The following DNAH8 variants were observed in gnomAD, a reference collection of about 807,000 sequenced individuals.
DNAH8 encodes dynein axonemal heavy chain 8.
A neutral mutation model predicts 562.1 loss-of-function variants in DNAH8; 382 were observed. The observed-to-expected ratio is 0.68, with a 90% CI of 0.63 to 0.74. The LOEUF (loss-of-function observed/expected upper bound fraction) is 0.74, where lower values mean the gene tolerates loss of function less well. Ranked by LOEUF, DNAH8 falls within the 30% of genes least tolerant of loss-of-function variation. The pLI is 0.00. For synonymous variants in DNAH8, 1,881 were observed against 1,919.4 expected (o/e 0.98, Z 0.52); for missense variants, 5,203 against 5,620.4 (o/e 0.93, Z 2.37).
chr6:38,877,260 A>G (rs540866520), intron 53 of DNAH8, among the ~76,000 whole-genome samples: 1 of 152,218 alleles, frequency 6.6e-6, no homozygotes, highest in Non-Finnish European at 1.5e-5. Flanking sequence ...ATGGCATCTA[A>G]TAAGGAAGCC....
chr6:38,925,240 G>A (rs1280509144), intron 73 of DNAH8, among the ~76,000 whole-genome samples: 1 of 151,432 alleles, frequency 6.6e-6, no homozygotes, highest in African/African-American at 2.4e-5. Context: ...GGGGGTCCTG[G>A]GATAATTTAA....
intron 10 of DNAH8, among the ~76,000 whole-genome samples, chr6:38,759,675 C>G (rs1766301677): frequency 6.6e-6 from 1 of 152,044 alleles, no homozygotes; most frequent in Admixed American, 6.6e-5. Flanking sequence ...GCAAGAACCC[C>G]CCATTCTTGA....
intron 18 of DNAH8, 36 bp from the exon 19 acceptor site, chr6:38,789,767 A>T (rs1190374669): frequency 6.8e-7 from 1 of 1,461,132 alleles, no homozygotes; most frequent in South Asian, 1.2e-5. Flanking sequence ...CTTTAAAATG[A>T]ATTAAAATAA....
At chr6:38,870,728 G>A (rs938474526) in intron 49 of DNAH8, among the ~76,000 whole-genome samples, 166 bp downstream of exon 49, 6 of 152,178 alleles carry the variant, frequency 3.9e-5, no homozygotes, top group African/African-American at 1.4e-4. Context: ...GTGGTCCTAG[G>A]AAGATAGTAT....
At chr6:38,923,929 T>C in intron 72 of DNAH8, 62 bp from the exon 73 acceptor site, 1 of 1,571,052 alleles carries the variant, frequency 6.4e-7, no homozygotes, top group African/African-American at 1.4e-5. Flanking sequence ...AACTGTGACC[T>C]CTCAAACAAC....
At chr6:38,792,233 C>G (rs1433504090) in intron 21 of DNAH8, among the ~76,000 whole-genome samples, 1 of 151,960 alleles carries the variant, frequency 6.6e-6, no homozygotes, top group Non-Finnish European at 1.5e-5. Flanking sequence ...GATTACAGGC[C>G]TGTACCAGCA....
chr6:38,919,771 A>G (rs1396632760), intron 70 of DNAH8, among the ~76,000 whole-genome samples: 1 of 152,198 alleles, frequency 6.6e-6, no homozygotes, highest in African/African-American at 2.4e-5. Flanking sequence ...AATGATGAAA[A>G]TAAGCGAGTT....
chr6:38,948,594 C>T (rs1761624354), intron 80 of DNAH8, among the ~76,000 whole-genome samples: 1 of 152,208 alleles, frequency 6.6e-6, no homozygotes, highest in Admixed American at 6.5e-5. Flanking sequence ...CCGCCTCGGC[C>T]TCCCAAAGTG....
At chr6:38,757,033 C>A (rs9369080) in intron 10 of DNAH8, among the ~76,000 whole-genome samples, 12,691 of 152,108 alleles carry the variant, frequency 0.083, 1,064 homozygotes, top group East Asian at 0.44. Context: ...TGGGTATATA[C>A]CCAGTAATGG....
chr6:38,745,227 G>A (rs905948611), intron 8 of DNAH8, among the ~76,000 whole-genome samples: 5 of 152,218 alleles, frequency 3.3e-5, no homozygotes, highest in African/African-American at 7.2e-5. Flanking sequence ...GGGTCATGGG[G>A]GAACAAATGC....
At chr6:38,976,348 G>A (rs1341981317) in intron 85 of DNAH8, among the ~76,000 whole-genome samples, 1 of 152,172 alleles carries the variant, frequency 6.6e-6, no homozygotes, top group African/African-American at 2.4e-5. Flanking sequence ...AATACAGTGA[G>A]TGTAGGTAAT....
chr6:39,024,828 T>C (rs1289828895), intron 91 of DNAH8, among the ~76,000 whole-genome samples: 1 of 152,206 alleles, frequency 6.6e-6, no homozygotes, highest in African/African-American at 2.4e-5. Flanking sequence ...TCTCTCCTAC[T>C]AGGCACTCGG....
At chr6:38,966,147 A>T (rs1167551139) in intron 82 of DNAH8, among the ~76,000 whole-genome samples, 1 of 152,202 alleles carries the variant, frequency 6.6e-6, no homozygotes, top group Non-Finnish European at 1.5e-5. Context: ...GAAGATTACT[A>T]AAATCAGCAA....
chr6:38,896,874 C>A (rs910260492), intron 60 of DNAH8, among the ~76,000 whole-genome samples: 3 of 152,134 alleles, frequency 2.0e-5, no homozygotes, highest in African/African-American at 7.2e-5. Context: ...GCAACCTCCG[C>A]CTCCCAGTTC....
chr6:38,924,020 G>C lies in DNAH8; in HGVS notation c.10820G>C (p.Gly3607Ala). The change falls in exon 73 of 93, where the codon GGA becomes GCA. Residue 3607 changes from glycine to alanine, a missense_variant. Transcript: ENST00000327475. ...RLVGDILLCT[G>A]FLSYLGPFNQ... ...GTAGGTGATATTCTGCTGTGCACGG[G>C]ATTCCTTTCCTACCTTGGTCCTTTC... The C allele has an allele frequency of 6.2e-7, 1 of 1,613,966 alleles. No homozygotes were observed. The highest frequency in any genetic ancestry group is 8.5e-7 in the Non-Finnish European group (1 of 1,179,914).
rs1160474440 is a variant in DNAH8 at position 38,923,069 on chromosome 6, T to C, written c.10674T>C (p.Asn3558=). The C allele has an allele frequency of 8.7e-6, 14 of 1,612,894 alleles. No homozygotes were observed. Among genetic ancestry groups the C allele is most frequent in the Non-Finnish European group, 1.2e-5 (14 of 1,179,538 alleles). Residue 3558 remains asparagine (N), a synonymous_variant, in exon 72 of 93, where the codon AAT becomes AAC. Transcript: ENST00000327475. ...AAMNEKMDLL[N]DADTCRKKMQ... ...CATTATGGCTGCAGGATTTGCTTAA[T>C]GACGCTGATACGTGCCGGAAAAAGA...
At chr6:38,854,836 A>T (rs763195321) in intron 41 of DNAH8, among the ~76,000 whole-genome samples, 1 of 150,630 alleles carries the variant, frequency 6.6e-6, no homozygotes, top group Non-Finnish European at 1.5e-5. Context: ...GTGTGTATAT[A>T]TATATGAACA....
chr6:38,978,423 A>G (rs1050399196), intron 85 of DNAH8, among the ~76,000 whole-genome samples: 3 of 152,188 alleles, frequency 2.0e-5, no homozygotes, highest in African/African-American at 7.2e-5. Context: ...GTGCATATAA[A>G]GTTCTTGCTT....
chr6:38,856,746 G>A (rs1018237074), intron 41 of DNAH8, among the ~76,000 whole-genome samples: 1 of 152,086 alleles, frequency 6.6e-6, no homozygotes, highest in African/African-American at 2.4e-5. Context: ...TCACTGTTGA[G>A]CCCATGCCAA....
Sources: allele counts gnomAD v4.1 joint callset (sites outside exome capture counted in the v4.1 genomes callset), GRCh38; gene constraint gnomAD v4.1.1; transcripts MANE v1.5; gene names NCBI Gene and HGNC (gene_info 2026-07-23, HGNC 2026-07-21).